DOCK9: variants seen among roughly 807,000 people sequenced by gnomAD.
DOCK9 encodes dedicator of cytokinesis protein 9.
In DOCK9, 89 loss-of-function variants were observed where a neutral mutation model predicts 263.3. The ratio of observed to expected loss-of-function variants is 0.34; its 90% CI spans 0.28 to 0.40. The LOEUF (loss-of-function observed/expected upper bound fraction) is 0.40, where lower values mean the gene tolerates loss of function less well. Among genes scored for constraint, DOCK9 ranks in the 10% least tolerant of loss-of-function variants. DOCK9 has a pLI of 1.00. For missense variants in DOCK9, 2,140 were observed against 2,603.4 expected, an observed-to-expected ratio of 0.82 and a Z score of 3.87; for synonymous variants, 976 against 973.1, an observed-to-expected ratio of 1.00 and a Z score of -0.06.
At chr13:98,803,872 T>A (rs569308381) in intron 49 of DOCK9, among the ~76,000 whole-genome samples, 5 of 152,226 alleles carry the variant, frequency 3.3e-5, no homozygotes, top group Non-Finnish European at 5.9e-5. Flanking sequence ...GTATCTCTTT[T>A]CCCTCATAGG....
chr13:98,943,236 T>G (rs555096741), intron 2 of DOCK9, among the ~76,000 whole-genome samples: 5 of 152,358 alleles, frequency 3.3e-5, no homozygotes, highest in Non-Finnish European at 5.9e-5. Context: ...GGGAAGGCAC[T>G]GTGACTCAAG....
chr13:98,868,025 C>T lies in DOCK9; in HGVS notation c.3091-14G>A. On this transcript the variant is annotated splice_polypyrimidine_tract_variant and intron_variant, in intron 28 of 52. Transcript: ENST00000682017. ...GGTGAAACATCTCTGTGGAGGAAAACAAGCAAAAAAGTTATTTCAGGTCCA... is the reference window on the plus strand; with the variant it reads ...GGTGAAACATCTCTGTGGAGGAAAATAAGCAAAAAAGTTATTTCAGGTCCA... 1 of 1,610,136 alleles carries T rather than the reference C, an allele frequency of 6.2e-7. No individual in the cohort carries two copies.
chr13:99,031,498 C>T (rs994050547), intron 1 of DOCK9, among the ~76,000 whole-genome samples: 3 of 152,218 alleles, frequency 2.0e-5, no homozygotes, highest in African/African-American at 7.2e-5. Flanking sequence ...TATTTACACA[C>T]ATAAGATTCT....
intron 1 of DOCK9, among the ~76,000 whole-genome samples, chr13:98,958,793 TG>T (rs1487928670): frequency 6.6e-6 from 1 of 152,258 alleles, no homozygotes; most frequent in Non-Finnish European, 1.5e-5. Flanking sequence ...GATACAGATA[TG>T]TTTACAACTC....
chr13:98,888,333 G>C, intron 17 of DOCK9, 27 bp downstream of exon 17: 2 of 1,608,500 alleles, frequency 1.2e-6, no homozygotes, highest in Non-Finnish European at 1.7e-6. Flanking sequence ...TTGACATCAA[G>C]AATGAAACCT....
At chr13:98,874,777 C>T (rs1477433561) in intron 27 of DOCK9, among the ~76,000 whole-genome samples, 1 of 152,146 alleles carries the variant, frequency 6.6e-6, no homozygotes, top group African/African-American at 2.4e-5. Flanking sequence ...GTTTCCAAGC[C>T]ACTCTGCTAA....
chr13:99,020,399 C>T (rs1885950901), intron 1 of DOCK9, among the ~76,000 whole-genome samples: 1 of 152,022 alleles, frequency 6.6e-6, no homozygotes, highest in Non-Finnish European at 1.5e-5. Flanking sequence ...CATTTTAGAC[C>T]TGGGAAAGGG....
upstream of DOCK9, among the ~76,000 whole-genome samples, chr13:98,979,819 TAGGA>T (rs1876699486): frequency 6.6e-6 from 1 of 152,096 alleles, no homozygotes; most frequent in African/African-American, 2.4e-5. Context: ...AGTAAAAACT[TAGGA>T]ATGTCCTACA....
intron 32 of DOCK9, 63 bp downstream of exon 32, chr13:98,862,956 C>T (rs1012932092): frequency 8.4e-5 from 119 of 1,413,194 alleles, no homozygotes; most frequent in Admixed American, 1.8e-4. Flanking sequence ...CAGCTTATGG[C>T]GCTTTGTCCT....
intron 15 of DOCK9, among the ~76,000 whole-genome samples, chr13:98,893,698 C>T (rs1184400480): frequency 1.3e-5 from 2 of 152,050 alleles, no homozygotes; most frequent in Admixed American, 1.3e-4. Context: ...CAAGCCGGTG[C>T]CCAGGCCACT....
chr13:99,083,879 T>C (rs2042226569), intron 1 of DOCK9, among the ~76,000 whole-genome samples: 1 of 148,810 alleles, frequency 6.7e-6, no homozygotes, highest in Non-Finnish European at 1.5e-5. Flanking sequence ...AACCCACACA[T>C]AGTTTAATTT....
chr13:98,923,898 G>A (rs1453614880), intron 4 of DOCK9, among the ~76,000 whole-genome samples: 1 of 152,130 alleles, frequency 6.6e-6, no homozygotes, highest in Non-Finnish European at 1.5e-5. Context: ...AACAGATGAG[G>A]AAAATCAGGC....
chr13:98,877,888 T>C (rs58137862), intron 27 of DOCK9, among the ~76,000 whole-genome samples: 1,722 of 152,316 alleles, frequency 0.011, 74 homozygotes, highest in Admixed American at 0.077. Flanking sequence ...ATTTAAGGGA[T>C]GACGTTTATT....
intron 38 of DOCK9, among the ~76,000 whole-genome samples, chr13:98,839,618 C>T (rs2093135606): frequency 6.6e-6 from 1 of 152,236 alleles, no homozygotes; most frequent in Admixed American, 6.5e-5. Context: ...CTGCAAAGAA[C>T]TGTCCTTTTC....
At chr13:98,862,173 C>T (rs1261222779) in intron 32 of DOCK9, among the ~76,000 whole-genome samples, 4 of 152,152 alleles carry the variant, frequency 2.6e-5, no homozygotes, top group Non-Finnish European at 4.4e-5. Context: ...TAGTGACTGA[C>T]CCCATCTTAG....
chr13:98,803,187 G>A (rs2090312379), intron 49 of DOCK9, among the ~76,000 whole-genome samples: 1 of 152,170 alleles, frequency 6.6e-6, no homozygotes, highest in African/African-American at 2.4e-5. Flanking sequence ...TCTCTCTGAA[G>A]CGCACTCTCT....
At chr13:98,895,764 T>G (rs2047338249) in intron 15 of DOCK9, among the ~76,000 whole-genome samples, 1 of 152,204 alleles carries the variant, frequency 6.6e-6, no homozygotes, top group African/African-American at 2.4e-5. Context: ...TCAAAATTTC[T>G]AAAATGAACA....
intron 7 of DOCK9, 70 bp from the exon 8 acceptor site, chr13:98,915,573 C>T (rs1376141544): frequency 5.6e-6 from 8 of 1,418,900 alleles, no homozygotes; most frequent in African/African-American, 2.9e-5. Context: ...ATTACTCTCT[C>T]TTGTTGGTGA....
intron 2 of DOCK9, among the ~76,000 whole-genome samples, chr13:98,950,828 CG>C (rs2057325668): frequency 6.6e-6 from 1 of 152,146 alleles, no homozygotes; most frequent in Admixed American, 6.5e-5. Flanking sequence ...ATGAAGATGC[CG>C]TCGGTTAATC....
Sources: allele counts gnomAD v4.1 joint callset (sites outside exome capture counted in the v4.1 genomes callset), GRCh38; gene constraint gnomAD v4.1.1; transcripts MANE v1.5; gene names NCBI Gene and HGNC (gene_info 2026-07-23, HGNC 2026-07-21).